HOXA6: variants seen among roughly 807,000 people sequenced by gnomAD.
HOXA6 encodes homeobox A6.
Under a neutral mutation model 23.2 loss-of-function variants are expected in HOXA6, and 19 were observed. That is an observed-to-expected ratio of 0.82 (90% CI 0.57 to 1.20). The LOEUF is 1.20. Among genes scored for constraint, HOXA6 ranks in the 50% most tolerant of loss-of-function variants. The pLI is 0.00. For synonymous variants in HOXA6, 140 were observed against 132.6 expected, an observed-to-expected ratio of 1.06 and a Z score of -0.38; for missense variants, 346 against 313.6, an observed-to-expected ratio of 1.10 and a Z score of -0.78.
In HOXA6 at chr7:27,145,852, G is replaced by C; in HGVS notation, c.508C>G (p.Leu170Val). ...CGGTTGAAGTGGAACTCCTTCTCCA[G>C]CTCCAGTGTCTGGTAGCGCGTGTAG... ...QTYTRYQTLELEKEFHFNRYL... is the reference protein window; with the variant it reads ...QTYTRYQTLEVEKEFHFNRYL... Residue 170 changes from leucine (L) to valine (V), a missense_variant, in exon 2 of 2, where the codon CTG (leucine) becomes GTG (valine). Transcript: ENST00000222728. 1.2e-6 allele frequency: 2 copies of C among 1,614,250 alleles called. No homozygotes were observed. Among genetic ancestry groups the C allele is most frequent in the Non-Finnish European group, 1.7e-6 (2 of 1,180,056 alleles).
rs1411687137 is a variant in HOXA6 at position 27,147,496 on chromosome 7, A to G, written c.254T>C (p.Leu85Pro). The G allele has an allele frequency of 9.3e-6, 15 of 1,614,008 alleles. No homozygotes were observed. The highest frequency in any genetic ancestry group is 1.3e-5 in the Non-Finnish European group (15 of 1,180,032). Residue 85 changes from leucine to proline, a missense_variant, in exon 1 of 2, where the codon CTC (leucine) becomes CCC (proline). By Grantham distance (98) the Leu-to-Pro change is moderately conservative (BLOSUM62 -3). Coordinates refer to ENST00000222728, the MANE Select transcript of HOXA6 (RefSeq NM_024014.4). Reference protein sequence around the residue: ...GASCFYSDKDLSGASPSGSGK... With the variant: ...GASCFYSDKDPSGASPSGSGK... ...ACTGCCCGAGGGCGAGGCGCCACTG[A>G]GGTCCTTATCAGAATAGAAACACGA...
chr7:27,147,271 T>TTCCCCTC, intron 1 of HOXA6, 37 bp downstream of exon 1: 1 of 1,559,580 alleles, frequency 6.4e-7, no homozygotes, highest in Non-Finnish European at 8.8e-7. Flanking sequence ...CCTGCCTCCT[T>TTCCCCTC]TCCCCTCTCC....
rs373568444 is a variant in HOXA6, at chr7:27,147,294, G to A, written c.442+14C>T. Reference sequence around the variant, plus strand: ...CTTTCCCCTCTCCCTCCACTGTCTTGGGATATGTCTTACCCGCGCAGGAGT... The same window carrying A: ...CTTTCCCCTCTCCCTCCACTGTCTTAGGATATGTCTTACCCGCGCAGGAGT... On this transcript the variant is annotated intron_variant, in intron 1 of 1. Coordinates refer to ENST00000222728, the MANE Select transcript of HOXA6 (RefSeq NM_024014.4). 6.2e-7 allele frequency: 1 copy of A among 1,608,448 alleles called. No individual in the cohort carries two copies. The highest frequency in any genetic ancestry group is 8.5e-7 in the Non-Finnish European group (1 of 1,176,690).
At position 27,145,579 on chromosome 7, in the gene HOXA6, G is replaced by A. The variant is rs1782728700; in HGVS notation, c.*79C>T. The A allele has an allele frequency of 3.9e-6, 6 of 1,538,050 alleles. No homozygotes were observed. In the South Asian group the frequency reaches 5.0e-5, roughly 13 times the overall value. On this transcript the variant is annotated 3_prime_UTR_variant, in exon 2 of 2. Coordinates refer to ENST00000222728, the MANE Select transcript of HOXA6 (RefSeq NM_024014.4). Reference sequence around the variant, plus strand: ...GCCCCCAGATGGGAGCAGGCGGGGAGAAAAGTTGGGGAACAGGCGAGGGCA... The same window carrying A: ...GCCCCCAGATGGGAGCAGGCGGGGAAAAAAGTTGGGGAACAGGCGAGGGCA...
chr7:27,146,053 GC>G lies in HOXA6; in HGVS notation c.443-137del, dbSNP rs1338398652. The G allele has an allele frequency of 5.9e-6, 6 of 1,019,680 alleles. No homozygotes were observed. The East Asian group carries it at 1.5e-4, about 26-fold the overall frequency. The allele number at this position is 1,019,680 out of a possible 1,614,324, so 63.2% of individuals were successfully genotyped here. On this transcript the variant is annotated intron_variant, in intron 1 of 1. Coordinates refer to ENST00000222728, the MANE Select transcript of HOXA6 (RefSeq NM_024014.4). ...TCCAGCCTCTCCCACTATGTCTGGG[GC>G]CCAAAGCATACTGAATGGGAGATTA...
chr7:27,145,948 G>A (rs1782746292), intron 1 of HOXA6, 31 bp from the exon 2 acceptor site: 1 of 1,599,438 alleles, frequency 6.3e-7, no homozygotes, highest in South Asian at 1.1e-5. Context: ...GCGCCGGTAA[G>A]CCAGGGCCTG....
At chr7:27,146,259 G>C (rs1782765005) in intron 1 of HOXA6, among the ~76,000 whole-genome samples, 2 of 151,642 alleles carry the variant, frequency 1.3e-5, no homozygotes, top group African/African-American at 4.8e-5. Flanking sequence ...GTTTGTGTGT[G>C]TGTGTGTGTG....
Position 27,147,386 on chromosome 7 carries a change from C to G in HOXA6, c.364G>C (p.Ala122Pro), listed in dbSNP as rs1782807137. The G allele has an allele frequency of 2.5e-6, 4 of 1,614,094 alleles. No homozygotes were observed. In the African/African-American group the frequency reaches 5.3e-5, roughly 22 times the overall value. The change falls in exon 1 of 2, where the codon GCA (alanine) becomes CCA (proline). Residue 122 changes from alanine (A) to proline (P), a missense_variant. Coordinates refer to ENST00000222728, the MANE Select transcript of HOXA6 (RefSeq NM_024014.4). ...CGGTCGGCGCCTTCGTCATGGAGTG[C>G]TTTGCCCTGCCCGCTGCTGCTGTCG... is the stretch of plus-strand genomic sequence containing the variant. ...KPDSSSGQGK[A>P]LHDEGADRKY...
chr7:27,146,504 AT>A (rs370658712), intron 1 of HOXA6, among the ~76,000 whole-genome samples: 3 of 152,206 alleles, frequency 2.0e-5, no homozygotes, highest in African/African-American at 7.2e-5. Flanking sequence ...AAACATTATA[AT>A]TTTAACAATC....
intron 1 of HOXA6, among the ~76,000 whole-genome samples, chr7:27,146,237 G>T (rs1782760453): frequency 1.0e-5 from 1 of 96,414 alleles, no homozygotes; most frequent in Admixed American, 1.3e-4. Flanking sequence ...GGGATGCAGG[G>T]TGTGTGTGTG....
At position 27,145,589 on chromosome 7, in the gene HOXA6, G is replaced by A; in HGVS notation, c.*69C>T. The A allele has an allele frequency of 6.5e-7, 1 of 1,546,898 alleles. No individual in the cohort carries two copies. Among genetic ancestry groups the A allele is most frequent in the Non-Finnish European group, 8.7e-7 (1 of 1,148,824 alleles). ...GGGAGCAGGCGGGGAGAAAAGTTGG[G>A]GAACAGGCGAGGGCAAGGGGGCAAA... On this transcript the variant is annotated 3_prime_UTR_variant, in exon 2 of 2. Coordinates refer to ENST00000222728, the MANE Select transcript of HOXA6 (RefSeq NM_024014.4).
intron 1 of HOXA6, among the ~76,000 whole-genome samples, chr7:27,146,939 G>A (rs189582888): frequency 2.6e-5 from 4 of 152,310 alleles, no homozygotes; most frequent in East Asian, 1.9e-4. Flanking sequence ...CAGTGACGCA[G>A]TGCAAAAGGC....
Position 27,147,586 on chromosome 7 carries a change from G to A in HOXA6, c.164C>T (p.Pro55Leu), listed in dbSNP as rs1390408562. Residue 55 changes from proline to leucine, a missense_variant, in exon 1 of 2, where the codon CCT becomes CTT. Pro to Leu is a moderately conservative substitution (Grantham distance 98, BLOSUM62 -3). Coordinates refer to ENST00000222728, the MANE Select transcript of HOXA6 (RefSeq NM_024014.4). Reference protein sequence around the residue: ...SSLPDKTYTSPCFYQQSNSVL... With the variant: ...SSLPDKTYTSLCFYQQSNSVL... ...CGAGTTGGACTGTTGGTAGAAACAA[G>A]GTGAGGTGTACGTCTTGTCCGGGAG... is the stretch of plus-strand genomic sequence containing the variant. 1 of 1,614,136 alleles carries A rather than the reference G, an allele frequency of 6.2e-7. No individual in the cohort carries two copies. The highest frequency in any genetic ancestry group is 1.7e-5 in the Admixed American group (1 of 60,010).
intron 1 of HOXA6, chr7:27,147,057 C>A: frequency 1.8e-6 from 1 of 559,406 alleles, no homozygotes; most frequent in Non-Finnish European, 3.2e-6. Flanking sequence ...GTCTCATATA[C>A]GTGCCAGTGC....
intron 1 of HOXA6, among the ~76,000 whole-genome samples, chr7:27,146,673 A>G (rs1253606429): frequency 6.6e-6 from 1 of 152,092 alleles, no homozygotes; most frequent in Non-Finnish European, 1.5e-5. Context: ...AAGTTCCCCA[A>G]GGGTGGTGGG....
rs1265619018 is a variant in HOXA6, at chr7:27,147,612, A to C, written c.138T>G (p.Ser46Arg). ...RPFPASYGASSLPDKTYTSPC... is the reference protein window; with the variant it reads ...RPFPASYGASRLPDKTYTSPC... ...GTGAGGTGTACGTCTTGTCCGGGAG[A>C]CTCGACGCCCCGTACGAGGCCGGGA... The change falls in exon 1 of 2, where the codon AGT (serine) becomes AGG (arginine). Residue 46 changes from serine (S) to arginine (R), a missense_variant. Transcript: ENST00000222728. 2 of 1,613,896 alleles carry C rather than the reference A, an allele frequency of 1.2e-6. No homozygotes were observed. The highest frequency in any genetic ancestry group is 1.7e-6 in the Non-Finnish European group (2 of 1,180,014).
intron 1 of HOXA6, 63 bp downstream of exon 1, chr7:27,147,245 C>G: frequency 6.9e-7 from 1 of 1,439,304 alleles, no homozygotes; most frequent in Non-Finnish European, 9.5e-7. Flanking sequence ...CTGTTTCCTC[C>G]TTCTTTCTTT....
At position 27,147,347 on chromosome 7, in the gene HOXA6, G is replaced by A. The variant is rs772009961; in HGVS notation, c.403C>T (p.Pro135Ser). ...DEGADRKYTS[P>S]VYPWMQRMNS... ...ATCCGCTGCATCCAAGGGTAAACCG[G>A]GCTCGTGTACTTCCGGTCGGCGCCT... Residue 135 changes from proline to serine, a missense_variant, in exon 1 of 2, where the codon CCG becomes TCG. By Grantham distance (74) the Pro-to-Ser change is moderately conservative. Coordinates refer to ENST00000222728, the MANE Select transcript of HOXA6 (RefSeq NM_024014.4). 4.7e-5 allele frequency: 76 copies of A among 1,614,002 alleles called. 1 individual carries two copies. In the East Asian group the frequency reaches 1.2e-3, roughly 26 times the overall value.
intron 1 of HOXA6, 133 bp downstream of exon 1, chr7:27,147,174 GA>G (rs1782797126): frequency 1.6e-5 from 15 of 930,710 alleles, no homozygotes; most frequent in Admixed American, 2.8e-5. Context: ...TCTCTTTTAA[GA>G]AGCCAAAGAA....
Sources: allele counts gnomAD v4.1 joint callset (sites outside exome capture counted in the v4.1 genomes callset), GRCh38; gene constraint gnomAD v4.1.1; transcripts MANE v1.5; gene names NCBI Gene and HGNC (gene_info 2026-07-23, HGNC 2026-07-21).